The following NAALADL2 variants were observed in gnomAD, a reference collection of about 807,000 sequenced individuals.
NAALADL2 encodes inactive N-acetylated-alpha-linked acidic dipeptidase-like protein 2.
In NAALADL2, 76 loss-of-function variants were observed where a neutral mutation model predicts 87.2. The observed-to-expected ratio is 0.87, with a 90% CI of 0.72 to 1.05. NAALADL2 has a LOEUF of 1.05. Ranked by LOEUF, NAALADL2 falls within the 50% of genes least tolerant of loss-of-function variation. The pLI, the probability that NAALADL2 is intolerant of heterozygous loss-of-function variation, is 0.00. For missense variants in NAALADL2, 1,089 were observed against 945.8 expected (o/e 1.15, Z -1.99); for synonymous variants, 354 against 331.0 (o/e 1.07, Z -0.75).
At chr3:174,751,523 C>T (rs1734812328) in intron 3 of NAALADL2, among the ~76,000 whole-genome samples, 1 of 151,784 alleles carries the variant, frequency 6.6e-6, no homozygotes, top group Non-Finnish European at 1.5e-5. Context: ...ATTAGCCAGG[C>T]GTGGTGGCAC....
chr3:175,469,312 T>C (rs1228176040), intron 8 of NAALADL2, among the ~76,000 whole-genome samples: 1 of 151,936 alleles, frequency 6.6e-6, no homozygotes, highest in Non-Finnish European at 1.5e-5. Flanking sequence ...TTTTGCCTAC[T>C]CATGTCAAAT....
At chr3:174,917,223 G>A (rs1450877387) in intron 1 of NAALADL2, among the ~76,000 whole-genome samples, 1 of 151,994 alleles carries the variant, frequency 6.6e-6, no homozygotes, top group Non-Finnish European at 1.5e-5. Flanking sequence ...TGAAAAAAAA[G>A]TTACTACAAT....
intron 4 of NAALADL2, 125 bp from the exon 5 acceptor site, chr3:175,324,042 AAGAAAAAG>A (rs1232896448): frequency 7.9e-6 from 4 of 508,570 alleles, no homozygotes; most frequent in Non-Finnish European, 1.3e-5. Context: ...AAAAAAAAAA[AAGAAAAAG>A]AAAAAGAAAA....
intron 3 of NAALADL2, among the ~76,000 whole-genome samples, chr3:174,798,497 T>C (rs1021447459): frequency 6.6e-6 from 1 of 152,156 alleles, no homozygotes. Flanking sequence ...AGGAATTACT[T>C]TGAATCTGTT....
chr3:174,902,896 A>G (rs767085331), intron 1 of NAALADL2, among the ~76,000 whole-genome samples: 57 of 152,126 alleles, frequency 3.7e-4, no homozygotes, highest in South Asian at 4.1e-4. Flanking sequence ...TCTCCCAGAA[A>G]CAAGAAGATT....
In NAALADL2 at chr3:174,920,719, A is replaced by G. The variant is rs1340522198; in HGVS notation, c.43+61269A>G. Among the ~76,000 whole-genome samples, 13 of 152,280 alleles carry G rather than the reference A, an allele frequency of 8.5e-5. 1 individual carries two copies. In the East Asian group the frequency reaches 2.3e-3, roughly 27 times the overall value. ...ATTCCCATCTTAGCTAACTGGTGCA[A>G]GAGGCCTGGGTTTTGGCTTACCTTG... On this transcript the variant is annotated intron_variant, in intron 1 of 13. Coordinates refer to ENST00000454872, the MANE Select transcript of NAALADL2 (RefSeq NM_207015.3).
chr3:174,934,260 A>T (rs1350904081), intron 1 of NAALADL2, among the ~76,000 whole-genome samples: 1 of 152,168 alleles, frequency 6.6e-6, no homozygotes, highest in Non-Finnish European at 1.5e-5. Flanking sequence ...TTTGTTTTTT[A>T]AAAATATGTA....
At chr3:174,771,437 A>G (rs1346893635) in intron 3 of NAALADL2, among the ~76,000 whole-genome samples, 1 of 152,136 alleles carries the variant, frequency 6.6e-6, no homozygotes, top group Non-Finnish European at 1.5e-5. Context: ...GTTGTTACTG[A>G]ATGAGGAAAA....
At position 174,447,661 on chromosome 3, in the gene NAALADL2, C is replaced by A. The variant is rs181510149; in HGVS notation, c.-184+6629C>A. ...TGAAACCTCGTCTCTACTAAAAATA[C>A]AAAAATAGCCGGGTGTGGTGGTGGG... On this transcript the variant is annotated intron_variant, in intron 1 of 3. Coordinates refer to the NAALADL2 transcript ENST00000434257. Among the ~76,000 whole-genome samples, 410 of 151,882 alleles carry A rather than the reference C, an allele frequency of 2.7e-3. 1 individual carries two copies. Among genetic ancestry groups the A allele is most frequent in the South Asian group, 7.1e-3 (34 of 4,804 alleles).
chr3:174,778,144 T>C (rs927312085), intron 3 of NAALADL2, among the ~76,000 whole-genome samples: 2 of 152,080 alleles, frequency 1.3e-5, no homozygotes, highest in African/African-American at 4.8e-5. Flanking sequence ...GATCTCAAAA[T>C]AATGTTGAAC....
At chr3:174,690,683 T>C (rs975927114) in intron 2 of NAALADL2, among the ~76,000 whole-genome samples, 1 of 152,156 alleles carries the variant, frequency 6.6e-6, no homozygotes, top group African/African-American at 2.4e-5. Context: ...TGTGAGCCTT[T>C]TATTTAATTT....
chr3:175,703,594 T>C (rs890636978), intron 11 of NAALADL2, among the ~76,000 whole-genome samples: 1 of 151,754 alleles, frequency 6.6e-6, no homozygotes, highest in Admixed American at 6.6e-5. Context: ...AACACAAAAA[T>C]TAGTCAGGAG....
rs1745445779 is a variant in NAALADL2 at position 175,234,177 on chromosome 3, A to G, written c.792A>G (p.Ala264=). ...DSSQDLLYSY[A]AYSAKGTLKA... ...GCCAAGACCTGCTCTATTCATATGC[A>G]GCCTATTCTGCCAAAGGAACTCTCA... Residue 264 remains alanine, a synonymous_variant, in exon 3 of 14, where the codon GCA becomes GCG. Transcript: ENST00000454872. 2 of 1,613,674 alleles carry G rather than the reference A, an allele frequency of 1.2e-6. No homozygotes were observed. The highest frequency in any genetic ancestry group is 2.2e-5 in the South Asian group (2 of 91,076).
At chr3:175,656,234 A>G (rs1024660663) in intron 11 of NAALADL2, among the ~76,000 whole-genome samples, 1 of 152,210 alleles carries the variant, frequency 6.6e-6, no homozygotes, top group African/African-American at 2.4e-5. Flanking sequence ...TAGTCCCACT[A>G]TTCAAATACA....
intron 4 of NAALADL2, among the ~76,000 whole-genome samples, chr3:175,278,643 A>C (rs190172362): frequency 6.4e-4 from 98 of 152,248 alleles, no homozygotes; most frequent in Admixed American, 6.0e-3. Flanking sequence ...TTTGGACTCT[A>C]CCAGTTGGCA....
At chr3:175,003,455 G>A (rs904857232) in intron 1 of NAALADL2, among the ~76,000 whole-genome samples, 20 of 152,156 alleles carry the variant, frequency 1.3e-4, no homozygotes, top group African/African-American at 4.8e-4. Context: ...TTTTCAAAAG[G>A]CATTTAGCAT....
At chr3:174,928,531 C>T (rs1023054403) in intron 1 of NAALADL2, among the ~76,000 whole-genome samples, 2 of 152,086 alleles carry the variant, frequency 1.3e-5, no homozygotes, top group Admixed American at 6.6e-5. Context: ...TGAGCCACCG[C>T]GCATTGCCCT....
intron 2 of NAALADL2, among the ~76,000 whole-genome samples, chr3:174,683,882 A>G (rs1727792332): frequency 6.6e-6 from 1 of 152,092 alleles, no homozygotes; most frequent in South Asian, 2.1e-4. Flanking sequence ...AGAGTGTATA[A>G]TATGCAGGCT....
chr3:174,702,605 C>T (rs1220755583), intron 2 of NAALADL2, among the ~76,000 whole-genome samples: 2 of 152,172 alleles, frequency 1.3e-5, no homozygotes, highest in Admixed American at 1.3e-4. Flanking sequence ...ATGGTATTGC[C>T]TACTACACAG....
Sources: gnomAD v4.1 joint callset for allele counts (sites outside exome capture counted in the v4.1 genomes callset) on GRCh38, gnomAD v4.1.1 for gene constraint, MANE v1.5 for transcripts, NCBI Gene and HGNC (gene_info 2026-07-23, HGNC 2026-07-21) for gene names.